Variants in SMYD3 observed in about 807,000 individuals in gnomAD.
SMYD3 encodes the protein SET and MYND domain containing 3, also known as histone-lysine N-methyltransferase SMYD3.
SMYD3 carries 36 observed loss-of-function variants against 57.7 expected under a neutral mutation model. The observed-to-expected ratio is 0.62, with a 90% CI of 0.48 to 0.82. The LOEUF (loss-of-function observed/expected upper bound fraction) is 0.82, where lower values mean the gene tolerates loss of function less well. SMYD3 is among the 40% of genes least tolerant of loss of function. The pLI, the probability that SMYD3 is intolerant of heterozygous loss-of-function variation, is 0.00. For synonymous variants in SMYD3, 211 were observed against 195.0 expected, an observed-to-expected ratio of 1.08 and a Z score of -0.68; for missense variants, 515 against 538.8, an observed-to-expected ratio of 0.96 and a Z score of 0.44.
chr1:246,432,761 G>T (rs1220065806), intron 1 of SMYD3, among the ~76,000 whole-genome samples: 5 of 152,168 alleles, frequency 3.3e-5, no homozygotes, highest in African/African-American at 1.2e-4. Context: ...ATACTTCACA[G>T]TCACACTCAT....
rs115248545 is a variant in SMYD3, at chr1:245,791,711, C to A, written c.1077-27562G>T. Among the ~76,000 whole-genome samples, 1,517 of 152,268 alleles carry A rather than the reference C, an allele frequency of 1.0e-2. 7 individuals are homozygous for A. Among genetic ancestry groups the A allele is most frequent in the Non-Finnish European group, 0.017 (1,160 of 68,022 alleles). On this transcript the variant is annotated intron_variant, in intron 10 of 11. Coordinates refer to ENST00000490107, the MANE Select transcript of SMYD3 (RefSeq NM_001167740.2). ...CAATTTATTCAACAAAAATTCTGGT[C>A]TTTTTAGCCTTCAGCTAGATTGTGT...
At position 246,355,636 on chromosome 1, in the gene SMYD3, G is replaced by A. The variant is rs550965131; in HGVS notation, c.165-542C>T. 7.2e-5 allele frequency among the ~76,000 whole-genome samples: 11 copies of A among 152,114 alleles called. No individual in the cohort carries two copies. The highest frequency in any genetic ancestry group is 1.0e-4 in the Non-Finnish European group (7 of 68,008). Reference sequence around the variant, plus strand: ...GAGTGAGACCAGCCTTTAGGACTGCGGGCTGTGTGGGAGTGGGATGAGGCC... The same window carrying A: ...GAGTGAGACCAGCCTTTAGGACTGCAGGCTGTGTGGGAGTGGGATGAGGCC... On this transcript the variant is annotated intron_variant, in intron 1 of 11. Coordinates refer to ENST00000490107, the MANE Select transcript of SMYD3 (RefSeq NM_001167740.2). This position sits in a 1 kb window ranked among gnomAD's most constrained non-coding sequence, Gnocchi z 5.0.
At chr1:246,075,023 T>C (rs10924489) in intron 5 of SMYD3, among the ~76,000 whole-genome samples, 11,033 of 151,404 alleles carry the variant, frequency 0.073, 467 homozygotes, top group African/African-American at 0.097. Context: ...CCAAAATTAC[T>C]AGACATATGA....
chr1:245,962,606 G>C, intron 5 of SMYD3, among the ~76,000 whole-genome samples: 1 of 152,148 alleles, frequency 6.6e-6, no homozygotes, highest in East Asian at 1.9e-4. Context: ...AGCCAGATGA[G>C]GTGAAGAGAT....
chr1:246,289,405 T>C (rs1251225583), intron 5 of SMYD3, among the ~76,000 whole-genome samples: 1 of 152,180 alleles, frequency 6.6e-6, no homozygotes, highest in Non-Finnish European at 1.5e-5. Flanking sequence ...ACGTCACCAG[T>C]TTTGTCTCCA....
chr1:246,484,099 C>T (rs78247246), intron 1 of SMYD3, among the ~76,000 whole-genome samples: 1 of 66,740 alleles, frequency 1.5e-5, no homozygotes, highest in East Asian at 3.3e-4. Context: ...CCTAAAAACA[C>T]ATCACTTCAA....
At chr1:246,398,107 A>G (rs2066705413) in intron 1 of SMYD3, among the ~76,000 whole-genome samples, 1 of 152,186 alleles carries the variant, frequency 6.6e-6, no homozygotes, top group Non-Finnish European at 1.5e-5. Context: ...CATCTGTAGG[A>G]GCAATTGGAG....
At chr1:245,854,662 TA>T (rs764364683) in intron 10 of SMYD3, among the ~76,000 whole-genome samples, 1 of 152,076 alleles carries the variant, frequency 6.6e-6, no homozygotes, top group Non-Finnish European at 1.5e-5. Context: ...TCCTTTTCTC[TA>T]ATCCCCACTC....
At chr1:246,354,357 T>C (rs1476819324) in intron 2 of SMYD3, among the ~76,000 whole-genome samples, 1 of 152,238 alleles carries the variant, frequency 6.6e-6, no homozygotes, top group Non-Finnish European at 1.5e-5. Context: ...CTTGGCAGGA[T>C]ATTTGGCATT....
intron 1 of SMYD3, among the ~76,000 whole-genome samples, chr1:246,400,829 A>T (rs199883539): frequency 7.7e-6 from 1 of 130,000 alleles, no homozygotes; most frequent in Non-Finnish European, 1.6e-5. Flanking sequence ...CTAGGCAAAT[A>T]AAAAAAAAAC....
chr1:246,096,949 T>TG (rs764693079), intron 5 of SMYD3, among the ~76,000 whole-genome samples: 1 of 152,226 alleles, frequency 6.6e-6, no homozygotes, highest in Non-Finnish European at 1.5e-5. Flanking sequence ...GATTTGTAGG[T>TG]GCTCATTCCA....
intron 5 of SMYD3, among the ~76,000 whole-genome samples, chr1:246,286,245 T>C (rs574542425): frequency 3.0e-4 from 46 of 152,214 alleles, no homozygotes; most frequent in Non-Finnish European, 6.0e-4. Flanking sequence ...TAACAAAACC[T>C]TGCTTTGCCA....
intron 1 of SMYD3, among the ~76,000 whole-genome samples, chr1:246,425,400 C>G (rs1269293399): frequency 6.6e-6 from 1 of 152,150 alleles, no homozygotes; most frequent in Non-Finnish European, 1.5e-5. Flanking sequence ...TTCTACATCT[C>G]CACAGCACAG....
chr1:245,813,842 A>C (rs2048628700), intron 10 of SMYD3, among the ~76,000 whole-genome samples: 1 of 149,662 alleles, frequency 6.7e-6, no homozygotes, highest in African/African-American at 2.5e-5. Flanking sequence ...TCTGTCATTT[A>C]GGTTAATTCA....
At chr1:245,917,930 T>C (rs1425300273) in intron 7 of SMYD3, among the ~76,000 whole-genome samples, 1 of 152,204 alleles carries the variant, frequency 6.6e-6, no homozygotes, top group Non-Finnish European at 1.5e-5. Flanking sequence ...CTACAAAGCA[T>C]GATCTTACTT....
At chr1:246,495,667 C>T (rs77117980) in intron 1 of SMYD3, among the ~76,000 whole-genome samples, 2,556 of 151,840 alleles carry the variant, frequency 0.017, 36 homozygotes, top group Non-Finnish European at 0.026. Flanking sequence ...TTTGGCCATG[C>T]GAGTGACTCA....
intron 5 of SMYD3, among the ~76,000 whole-genome samples, chr1:246,125,987 T>C (rs1412506126): frequency 1.3e-5 from 2 of 152,204 alleles, no homozygotes; most frequent in African/African-American, 4.8e-5. Context: ...AGGAAGAGAC[T>C]AGAGGGTTAG....
intron 5 of SMYD3, among the ~76,000 whole-genome samples, chr1:246,297,060 C>A (rs10924679): frequency 0.04 from 6,084 of 152,010 alleles, 409 homozygotes; most frequent in African/African-American, 0.14. Context: ...ACATAAATGG[C>A]CAGCAGTTAG....
chr1:246,128,384 A>C (rs1049096515), intron 5 of SMYD3, among the ~76,000 whole-genome samples: 20 of 152,244 alleles, frequency 1.3e-4, no homozygotes, highest in African/African-American at 4.8e-4. Context: ...ACAGTCCAGC[A>C]TGCTGAAAAG....
Sources: gnomAD v4.1 joint callset for allele counts (sites outside exome capture counted in the v4.1 genomes callset) on GRCh38, gnomAD v4.1.1 for gene constraint, Gnocchi (gnomAD v3.1) non-coding constraint, MANE v1.5 for transcripts, NCBI Gene and HGNC (gene_info 2026-07-23, HGNC 2026-07-21) for gene names.